ZNF567: variants seen among roughly 807,000 people sequenced by gnomAD.
The protein encoded by ZNF567 is zinc finger protein 567.
ZNF567 carries 36 observed loss-of-function variants against 53.9 expected under a neutral mutation model. The observed-to-expected ratio is 0.67, with a 90% confidence interval of 0.51 to 0.88. The LOEUF (loss-of-function observed/expected upper bound fraction) is 0.88, where lower values mean the gene tolerates loss of function less well. Ranked by LOEUF, ZNF567 falls within the 40% of genes least tolerant of loss-of-function variation. The pLI is 0.00. For missense variants in ZNF567, 619 were observed against 764.7 expected, an observed-to-expected ratio of 0.81 and a Z score of 2.25; for synonymous variants, 224 against 260.4, an observed-to-expected ratio of 0.86 and a Z score of 1.35.
chr19:36,712,283 A>G (rs1235140785), intron 3 of ZNF567, 103 bp from the exon 4 acceptor site: 4 of 1,235,872 alleles, frequency 3.2e-6, no homozygotes, highest in Non-Finnish European at 4.5e-6. Flanking sequence ...CATGACCTCA[A>G]GTGATCCACC....
chr19:36,689,147 C>A (rs1327938755), intron 1 of ZNF567, among the ~76,000 whole-genome samples: 1 of 151,818 alleles, frequency 6.6e-6, no homozygotes, highest in Non-Finnish European at 1.5e-5. Flanking sequence ...TGACTGATGA[C>A]TGATATGCTT....
At chr19:36,700,707 C>T (rs1404111529) in intron 3 of ZNF567, among the ~76,000 whole-genome samples, 2 of 152,116 alleles carry the variant, frequency 1.3e-5, no homozygotes, top group East Asian at 3.9e-4. Flanking sequence ...AGTTTATTTG[C>T]GTAGAGGTGT....
chr19:36,694,636 A>G (rs1206547824), intron 2 of ZNF567, among the ~76,000 whole-genome samples, 166 bp from the exon 3 acceptor site: 1 of 152,164 alleles, frequency 6.6e-6, no homozygotes, highest in Non-Finnish European at 1.5e-5. Context: ...CCTTGGGGAT[A>G]AAACAGAATT....
At chr19:36,700,777 A>G (rs1269281075) in intron 3 of ZNF567, among the ~76,000 whole-genome samples, 1 of 152,164 alleles carries the variant, frequency 6.6e-6, no homozygotes, top group East Asian at 1.9e-4. Context: ...TATCCCATTT[A>G]TCATCTTTTA....
At chr19:36,671,827 C>G in the ZNF567 span, among the ~76,000 whole-genome samples, 1 of 152,172 alleles carries the variant, frequency 6.6e-6, no homozygotes, top group Non-Finnish European at 1.5e-5. Flanking sequence ...TGTTACCTGA[C>G]CCACCAAGTC....
At chr19:36,692,847 A>G (rs1316615130) in intron 2 of ZNF567, among the ~76,000 whole-genome samples, 1 of 152,162 alleles carries the variant, frequency 6.6e-6, no homozygotes, top group Non-Finnish European at 1.5e-5. Context: ...CTGCTGCAAG[A>G]CTGAGAAGTG....
At chr19:36,713,252 T>A (rs2145845220) in intron 5 of ZNF567, among the ~76,000 whole-genome samples, 1 of 152,066 alleles carries the variant, frequency 6.6e-6, no homozygotes, top group East Asian at 1.9e-4. Flanking sequence ...CCCAGGAGTT[T>A]GCAACCAGCC....
chr19:36,676,369 T>C, the ZNF567 span, among the ~76,000 whole-genome samples: 1 of 63,488 alleles, frequency 1.6e-5, no homozygotes, highest in African/African-American at 5.1e-5. Flanking sequence ...CCCAACCAAC[T>C]TTTTTTTTTT....
intron 3 of ZNF567, among the ~76,000 whole-genome samples, chr19:36,699,832 TG>T (rs2039081433): frequency 6.7e-6 from 1 of 148,656 alleles, no homozygotes; most frequent in Admixed American, 6.8e-5. Flanking sequence ...GCTGAGACAA[TG>T]GGGTTTTCTA....
chr19:36,698,956 T>G (rs1296810077), intron 3 of ZNF567, among the ~76,000 whole-genome samples: 1 of 152,224 alleles, frequency 6.6e-6, no homozygotes, highest in Non-Finnish European at 1.5e-5. Flanking sequence ...TTAGCTTTTG[T>G]TGCCATTGCT....
the ZNF567 span, among the ~76,000 whole-genome samples, chr19:36,679,906 C>G: frequency 1.3e-5 from 2 of 152,100 alleles, no homozygotes; most frequent in Non-Finnish European, 2.9e-5. Flanking sequence ...ATACATTCTG[C>G]TGTTCTTTTG....
At chr19:36,676,122 A>G in the ZNF567 span, among the ~76,000 whole-genome samples, 1 of 116,056 alleles carries the variant, frequency 8.6e-6, no homozygotes, top group Non-Finnish European at 1.6e-5. Context: ...GGTGGAGTGC[A>G]GTGGCACCAT....
At position 36,707,870 on chromosome 19, in the gene ZNF567, C is replaced by T. The variant is rs185521774; in HGVS notation, c.10-4516C>T. 9.3e-4 allele frequency among the ~76,000 whole-genome samples: 141 copies of T among 152,208 alleles called. 1 individual carries two copies. Among genetic ancestry groups the T allele is most frequent in the African/African-American group, 2.3e-3 (95 of 41,534 alleles). ...CTGGGATTACAGGCGTGAGCCACTG[C>T]GCCCGGCCTATAATAATCCTGTTTT... On this transcript the variant is annotated intron_variant, in intron 3 of 5. Transcript: ENST00000682579.
At chr19:36,674,493 G>T in the ZNF567 span, among the ~76,000 whole-genome samples, 5 of 152,220 alleles carry the variant, frequency 3.3e-5, no homozygotes, top group South Asian at 8.3e-4. Flanking sequence ...GGTCTAAAGG[G>T]TACTAATGGA....
chr19:36,709,660 G>A (rs2039677465), intron 3 of ZNF567, among the ~76,000 whole-genome samples: 2 of 150,586 alleles, frequency 1.3e-5, no homozygotes, highest in African/African-American at 2.4e-5. Flanking sequence ...CAGTCCTGCT[G>A]GTGATGTTGC....
chr19:36,692,785 C>T (rs576595008), intron 2 of ZNF567, among the ~76,000 whole-genome samples: 23 of 152,070 alleles, frequency 1.5e-4, no homozygotes, highest in Non-Finnish European at 2.9e-4. Flanking sequence ...TTGCAAGCTT[C>T]TGTGGATCTA....
upstream of ZNF567, among the ~76,000 whole-genome samples, chr19:36,684,849 C>T (rs927070651): frequency 3.3e-5 from 5 of 152,078 alleles, no homozygotes; most frequent in African/African-American, 4.8e-5. Context: ...ACAGGAGAGA[C>T]GCCCATTTCC....
intron 3 of ZNF567, among the ~76,000 whole-genome samples, chr19:36,704,319 G>A (rs913117022): frequency 6.6e-6 from 1 of 152,118 alleles, no homozygotes; most frequent in South Asian, 2.1e-4. Flanking sequence ...TGCTCAGGAG[G>A]CTGAGACAGG....
At chr19:36,667,928 G>A in the ZNF567 span, among the ~76,000 whole-genome samples, 1 of 151,656 alleles carries the variant, frequency 6.6e-6, no homozygotes, top group Non-Finnish European at 1.5e-5. Context: ...GATTACAGGC[G>A]TGAGCCACCG....
Sources: allele counts gnomAD v4.1 joint callset (sites outside exome capture counted in the v4.1 genomes callset), GRCh38; gene constraint gnomAD v4.1.1; transcripts MANE v1.5; gene names NCBI Gene and HGNC (gene_info 2026-07-23, HGNC 2026-07-21).